Variants in NCALD observed in about 807,000 individuals in gnomAD.
NCALD encodes the protein neurocalcin delta.
A neutral mutation model predicts 18.6 loss-of-function variants in NCALD; 10 were observed. The observed-to-expected ratio is 0.54, with a 90% CI of 0.33 to 0.91. The LOEUF (loss-of-function observed/expected upper bound fraction) is 0.91. NCALD is among the 40% of genes least tolerant of loss of function. The pLI, the probability that NCALD is intolerant of heterozygous loss-of-function variation, is 0.03. For missense variants in NCALD, 184 were observed against 247.6 expected (o/e 0.74, Z 1.72); for synonymous variants, 88 against 87.4 (o/e 1.01, Z -0.04).
At chr8:101,720,943 G>T (rs144153174) in intron 1 of NCALD, among the ~76,000 whole-genome samples, 2 of 152,258 alleles carry the variant, frequency 1.3e-5, no homozygotes, top group African/African-American at 4.8e-5. Flanking sequence ...ACAGTGAGGG[G>T]ACGATATGAC....
At chr8:102,034,619 C>A (rs115059840) in intron 1 of NCALD, among the ~76,000 whole-genome samples, 1 of 152,068 alleles carries the variant, frequency 6.6e-6, no homozygotes, top group African/African-American at 2.4e-5. Context: ...CATGGGGGCA[C>A]TAGCAGGAAA....
intron 1 of NCALD, among the ~76,000 whole-genome samples, chr8:102,052,482 C>A (rs1270435016): frequency 6.6e-6 from 1 of 152,240 alleles, no homozygotes; most frequent in Non-Finnish European, 1.5e-5. Context: ...TCATAGAGGA[C>A]TTCTCCCTCT....
intron 4 of NCALD, among the ~76,000 whole-genome samples, chr8:101,858,270 A>G (rs571776198): frequency 6.7e-4 from 102 of 152,292 alleles, no homozygotes; most frequent in African/African-American, 1.9e-3. Flanking sequence ...TATAGAGTGG[A>G]GCAAAACTGA....
upstream of NCALD, among the ~76,000 whole-genome samples, chr8:101,794,759 C>T (rs1452816579): frequency 6.6e-6 from 1 of 152,144 alleles, no homozygotes. Flanking sequence ...AGTAATTTGC[C>T]TACCTACTGC....
At chr8:102,041,036 C>T (rs1823032604) in intron 1 of NCALD, among the ~76,000 whole-genome samples, 1 of 152,212 alleles carries the variant, frequency 6.6e-6, no homozygotes, top group African/African-American at 2.4e-5. Flanking sequence ...AGAAGACCTT[C>T]TCAGTCATCT....
intron 4 of NCALD, among the ~76,000 whole-genome samples, chr8:101,872,723 G>C (rs972642135): frequency 1.3e-5 from 2 of 152,170 alleles, no homozygotes; most frequent in Non-Finnish European, 2.9e-5. Flanking sequence ...AAAGATGCTA[G>C]AGGAAGTCTA....
chr8:101,998,880 A>G (rs1327417026), intron 2 of NCALD, among the ~76,000 whole-genome samples: 3 of 152,146 alleles, frequency 2.0e-5, no homozygotes, highest in Admixed American at 2.0e-4. Context: ...AGCAAACACA[A>G]AAGACCTATA....
chr8:101,690,453 G>T (rs1814674450), intron 3 of NCALD: 1 of 985,294 alleles, frequency 1.0e-6, no homozygotes, highest in African/African-American at 1.7e-5. Context: ...GGCTCTGCAC[G>T]CCTGTGGGTT....
At chr8:101,755,543 C>T (rs1360069695) in intron 1 of NCALD, among the ~76,000 whole-genome samples, 2 of 152,168 alleles carry the variant, frequency 1.3e-5, no homozygotes, top group Non-Finnish European at 2.9e-5. Context: ...TTCACCCTAT[C>T]TTCTCCTGTC....
At chr8:101,731,042 G>T (rs1321171278) in intron 1 of NCALD, among the ~76,000 whole-genome samples, 1 of 152,200 alleles carries the variant, frequency 6.6e-6, no homozygotes, top group Non-Finnish European at 1.5e-5. Flanking sequence ...AGCCAGGGAA[G>T]ACCCCACTGA....
chr8:102,026,357 T>A (rs1007147812), intron 1 of NCALD, among the ~76,000 whole-genome samples: 1 of 152,184 alleles, frequency 6.6e-6, no homozygotes, highest in South Asian at 2.1e-4. Context: ...ACTTCCTAGA[T>A]ACAATAGAGG....
At chr8:101,901,197 C>T (rs1817407488) in intron 3 of NCALD, among the ~76,000 whole-genome samples, 1 of 151,806 alleles carries the variant, frequency 6.6e-6, no homozygotes, top group South Asian at 2.1e-4. Flanking sequence ...TACATTAAAA[C>T]ATTTTTTCAT....
intron 1 of NCALD, among the ~76,000 whole-genome samples, chr8:101,735,607 C>T (rs1348773148): frequency 6.6e-6 from 1 of 152,160 alleles, no homozygotes; most frequent in African/African-American, 2.4e-5. Flanking sequence ...GATGGGCATA[C>T]TTACACAAAA....
At chr8:101,949,406 A>G (rs1819302212) in intron 2 of NCALD, among the ~76,000 whole-genome samples, 1 of 151,772 alleles carries the variant, frequency 6.6e-6, no homozygotes, top group South Asian at 2.1e-4. Context: ...TCTCCATAGC[A>G]CTCCAAAAAT....
intron 1 of NCALD, among the ~76,000 whole-genome samples, chr8:102,040,299 C>A (rs898882502): frequency 6.6e-6 from 1 of 151,830 alleles, no homozygotes; most frequent in Admixed American, 6.6e-5. Context: ...CATGGTGAAA[C>A]CCCATCTCTA....
intron 1 of NCALD, among the ~76,000 whole-genome samples, chr8:102,082,383 G>T (rs138153592): frequency 4.6e-5 from 7 of 151,960 alleles, no homozygotes; most frequent in Non-Finnish European, 1.0e-4. Context: ...ACAGGTGCCA[G>T]CCAAAAGCTC....
At chr8:101,702,756 T>C (rs760860667) in intron 2 of NCALD, among the ~76,000 whole-genome samples, 1 of 152,210 alleles carries the variant, frequency 6.6e-6, no homozygotes, top group Non-Finnish European at 1.5e-5. Context: ...CTCATGGATA[T>C]TGGAGATACA....
In NCALD at chr8:101,915,931, T is replaced by C. The variant is rs548715448; in HGVS notation, c.-156-73A>G. ...AGGAATCTTTGTCCTGAGGTCATTA[T>C]CCCACCTATTTTAACAGCAGAACAC... On this transcript the variant is annotated intron_variant, in intron 2 of 6. Coordinates refer to the NCALD transcript ENST00000311028. The C allele has an allele frequency of 5.9e-5, 9 of 152,308 alleles. No homozygotes were observed. The East Asian group carries it at 1.7e-3, about 29-fold the overall frequency. 9.4% of individuals were successfully genotyped at this position (152,308 alleles called of 1,614,324 possible).
At chr8:101,892,392 A>G (rs1460755912) in intron 3 of NCALD, among the ~76,000 whole-genome samples, 7 of 148,828 alleles carry the variant, frequency 4.7e-5, no homozygotes, top group African/African-American at 1.8e-4. Flanking sequence ...CCAAAAGTAG[A>G]TAAAACCACA....
Sources: gnomAD v4.1 joint callset for allele counts (sites outside exome capture counted in the v4.1 genomes callset) on GRCh38, gnomAD v4.1.1 for gene constraint, MANE v1.5 for transcripts, NCBI Gene and HGNC (gene_info 2026-07-23, HGNC 2026-07-21) for gene names.